SH3GL3: variants seen among roughly 807,000 people sequenced by gnomAD.
SH3GL3 encodes the protein endophilin-A3.
SH3GL3 carries 33 observed loss-of-function variants against 47.7 expected under a neutral mutation model. The ratio of observed to expected loss-of-function variants is 0.69; its 90% CI spans 0.52 to 0.92. SH3GL3 has a LOEUF of 0.92. Among genes scored for constraint, SH3GL3 ranks in the 40% least tolerant of loss-of-function variants. The pLI is 0.00. For missense variants in SH3GL3, 363 were observed against 417.8 expected, an observed-to-expected ratio of 0.87 and a Z score of 1.14; for synonymous variants, 155 against 148.8, an observed-to-expected ratio of 1.04 and a Z score of -0.30.
rs1027656655 is a variant in SH3GL3, at chr15:83,447,451, G to A, written c.-83G>A. 37 of 1,240,740 alleles carry A rather than the reference G, an allele frequency of 3.0e-5. No individual in the cohort carries two copies. The highest frequency in any genetic ancestry group is 3.8e-5 in the Non-Finnish European group (36 of 953,706). The allele number at this position is 1,240,740 out of a possible 1,614,324, so 76.9% of individuals were successfully genotyped here. A position where few individuals can be genotyped will look rare whatever the true frequency, so the allele number is the denominator to read the frequency against. On this transcript the variant is annotated 5_prime_UTR_variant, in exon 1 of 9. Transcript: ENST00000427482. The surrounding 1 kb of genome is among the most constrained non-coding windows in gnomAD (Gnocchi z 5.1). ...AGCCCAGCCGCGGGGGGACCGGCCC[G>A]GGCTCCCGCTCCCCGAGCGCGTCGC...
chr15:83,469,207 G>A (rs2040719658), intron 1 of SH3GL3, among the ~76,000 whole-genome samples: 2 of 151,964 alleles, frequency 1.3e-5, no homozygotes, highest in Admixed American at 1.3e-4. Context: ...GGTAATTTTT[G>A]TCTTCTCTTT....
chr15:83,624,070 A>C, the SH3GL3 span, among the ~76,000 whole-genome samples: 1 of 152,210 alleles, frequency 6.6e-6, no homozygotes, highest in Non-Finnish European at 1.5e-5. Flanking sequence ...TACAGGCCAA[A>C]TAGGCTCCTG....
At chr15:83,499,396 A>C (rs940427400) in intron 1 of SH3GL3, among the ~76,000 whole-genome samples, 1 of 39,292 alleles carries the variant, frequency 2.5e-5, no homozygotes, top group African/African-American at 8.5e-5. Flanking sequence ...ACTCCATCTC[A>C]AAAAAAAAAA....
At chr15:83,559,666 G>A (rs2045159778) in intron 2 of SH3GL3, among the ~76,000 whole-genome samples, 1 of 152,230 alleles carries the variant, frequency 6.6e-6, no homozygotes, top group Non-Finnish European at 1.5e-5. Flanking sequence ...GTATTTCTGG[G>A]ACAAGATTTT....
At chr15:83,572,243 C>G (rs953467433) in intron 4 of SH3GL3, among the ~76,000 whole-genome samples, 1 of 152,178 alleles carries the variant, frequency 6.6e-6, no homozygotes, top group East Asian at 1.9e-4. Flanking sequence ...TCTAAGGAAC[C>G]CTCCGTGCCA....
At chr15:83,477,044 A>C (rs1033429967) in intron 1 of SH3GL3, among the ~76,000 whole-genome samples, 24 of 152,146 alleles carry the variant, frequency 1.6e-4, no homozygotes, top group African/African-American at 5.6e-4. Context: ...AAGTACCAAA[A>C]AGTCACCTCT....
Position 83,568,574 on chromosome 15 carries a change from G to A in SH3GL3, c.233G>A (p.Arg78Gln), listed in dbSNP as rs2045664976. 5.6e-6 allele frequency: 9 copies of A among 1,613,194 alleles called. No homozygotes were observed. The highest frequency in any genetic ancestry group is 7.6e-6 in the Non-Finnish European group (9 of 1,179,306). Residue 78 changes from arginine to glutamine, a missense_variant, in exon 4 of 9, where the codon CGA becomes CAA. Coordinates refer to ENST00000427482, the MANE Select transcript of SH3GL3 (RefSeq NM_003027.5). ...ATGCTGAACACTGTGTCGAAGATCC[G>A]AGGGCAGGTGAAGACCACAGGATAC... is the stretch of plus-strand genomic sequence containing the variant. Reference protein sequence around the residue: ...LGMLNTVSKIRGQVKTTGYPQ... With the variant: ...LGMLNTVSKIQGQVKTTGYPQ...
In SH3GL3 at chr15:83,528,797, T is replaced by TA. The variant is rs1255909840; in HGVS notation, c.46-30450dup. 2.0e-5 allele frequency among the ~76,000 whole-genome samples: 3 copies of TA among 152,326 alleles called. No individual in the cohort carries two copies. In the East Asian group the frequency reaches 5.8e-4, roughly 29 times the overall value. ...ATTATTTTGATTTTTTTCTGATATT[T>TA]AAAAAATTTCTATTTCATTGGAATC... On this transcript the variant is annotated intron_variant, in intron 1 of 8. Coordinates refer to ENST00000427482, the MANE Select transcript of SH3GL3 (RefSeq NM_003027.5).
intron 6 of SH3GL3, among the ~76,000 whole-genome samples, chr15:83,586,609 G>T (rs371477858): frequency 6.6e-6 from 1 of 152,160 alleles, no homozygotes; most frequent in East Asian, 1.9e-4. Context: ...TGACAAAGTA[G>T]GCAGTTCTTT....
chr15:83,521,621 C>T (rs545535968), intron 1 of SH3GL3, among the ~76,000 whole-genome samples: 3 of 152,204 alleles, frequency 2.0e-5, no homozygotes, highest in Admixed American at 1.3e-4. Context: ...AGCAAGGAAG[C>T]CTGAGAAATG....
At chr15:83,487,878 CTT>C (rs58188472) in intron 1 of SH3GL3, among the ~76,000 whole-genome samples, 1 of 137,608 alleles carries the variant, frequency 7.3e-6, no homozygotes, top group Non-Finnish European at 1.6e-5. Context: ...TTTTTCTTTT[CTT>C]TTTTTTTTTT....
downstream of SH3GL3, among the ~76,000 whole-genome samples, chr15:83,622,334 A>G (rs1022487355): frequency 1.3e-5 from 2 of 152,208 alleles, no homozygotes; most frequent in Non-Finnish European, 2.9e-5. Context: ...ATATTCACAA[A>G]GCAGCCCTTT....
At chr15:83,544,794 A>G (rs1444958002) in intron 1 of SH3GL3, among the ~76,000 whole-genome samples, 1 of 152,148 alleles carries the variant, frequency 6.6e-6, no homozygotes, top group Non-Finnish European at 1.5e-5. Flanking sequence ...GTAGGATACA[A>G]TATTCCAGGA....
intron 1 of SH3GL3, among the ~76,000 whole-genome samples, chr15:83,520,069 G>C (rs2043141668): frequency 6.6e-6 from 1 of 152,152 alleles, no homozygotes; most frequent in Admixed American, 6.5e-5. Context: ...CCAGTTCCCA[G>C]AGCCCAAATT....
At chr15:83,539,635 A>G (rs1596212534) in intron 1 of SH3GL3, among the ~76,000 whole-genome samples, 1 of 152,116 alleles carries the variant, frequency 6.6e-6, no homozygotes, top group Non-Finnish European at 1.5e-5. Flanking sequence ...TAATATTTGA[A>G]TGTGATTCTT....
intron 6 of SH3GL3, among the ~76,000 whole-genome samples, chr15:83,586,547 A>G (rs1487219603): frequency 6.6e-6 from 1 of 152,154 alleles, no homozygotes; most frequent in East Asian, 1.9e-4. Context: ...TAACTGTTTA[A>G]TGTACTTAAT....
Position 83,448,442 on chromosome 15 carries a change from A to ATGTGTGTGTGTGTG in SH3GL3, c.45+890_45+903dup, listed in dbSNP as rs71156081. On this transcript the variant is annotated intron_variant, in intron 1 of 8. Transcript: ENST00000427482. This position sits in a 1 kb window ranked among gnomAD's most constrained non-coding sequence, Gnocchi z 4.2. The stretch of plus-strand genomic sequence containing the variant: ...AAACAGGAGGGGAGACATGAAATTG[A>ATGTGTGTGTGTGTG]TGTGTGTGTGTGTGTGTGTGTGTGT... 0.025 allele frequency among the ~76,000 whole-genome samples: 3,489 copies of ATGTGTGTGTGTGTG among 140,648 alleles called. 91 individuals carry two copies. The highest frequency in any genetic ancestry group is 0.053 in the African/African-American group (1,936 of 36,352). 92.3% of individuals were successfully genotyped at this position (140,648 alleles called of 152,430 possible).
At chr15:83,545,998 G>C (rs1490523659) in intron 1 of SH3GL3, among the ~76,000 whole-genome samples, 1 of 152,112 alleles carries the variant, frequency 6.6e-6, no homozygotes, top group Admixed American at 6.5e-5. Context: ...AACAGTACTG[G>C]GTCTTGCCCA....
intron 1 of SH3GL3, among the ~76,000 whole-genome samples, chr15:83,536,268 C>T (rs1567313332): frequency 6.6e-6 from 1 of 152,148 alleles, no homozygotes; most frequent in Non-Finnish European, 1.5e-5. Flanking sequence ...GTGGACAGGG[C>T]ATCCAGGAAG....
Sources: gnomAD v4.1 joint callset for allele counts (sites outside exome capture counted in the v4.1 genomes callset) on GRCh38, gnomAD v4.1.1 for gene constraint, Gnocchi (gnomAD v3.1) non-coding constraint, MANE v1.5 for transcripts, NCBI Gene and HGNC (gene_info 2026-07-23, HGNC 2026-07-21) for gene names.